The following CDYL2 variants were observed in gnomAD, a reference collection of about 807,000 sequenced individuals.
CDYL2 encodes the protein chromodomain Y-like protein 2.
Under a neutral mutation model 49.4 loss-of-function variants are expected in CDYL2, and 23 were observed. The observed-to-expected ratio is 0.47, with a 90% CI of 0.34 to 0.66. CDYL2 has a LOEUF of 0.66. Among genes scored for constraint, CDYL2 ranks in the 30% least tolerant of loss-of-function variants. The pLI, the probability that CDYL2 is intolerant of heterozygous loss-of-function variation, is 0.01. For missense variants in CDYL2, 678 were observed against 656.4 expected, an observed-to-expected ratio of 1.03 and a Z score of -0.36; for synonymous variants, 360 against 268.8, an observed-to-expected ratio of 1.34 and a Z score of -3.32.
At chr16:80,625,214 GGA>G (rs1235079201) in intron 3 of CDYL2, among the ~76,000 whole-genome samples, 1 of 152,196 alleles carries the variant, frequency 6.6e-6, no homozygotes, top group African/African-American at 2.4e-5. Flanking sequence ...ATTCCTTTGT[GGA>G]GGCGCTAAGG....
In CDYL2 at chr16:80,669,619, T is replaced by A. The variant is rs117179270; in HGVS notation, c.616+14919A>T. 1.1e-3 allele frequency among the ~76,000 whole-genome samples: 174 copies of A among 152,100 alleles called. 5 individuals are homozygous for A. The East Asian group carries it at 0.03, about 26-fold the overall frequency. ...GATGCCAGAATTGGGAGCTAGGACA[T>A]CGAGAGAGGCCAAGCAGGAGGGTCG... On this transcript the variant is annotated intron_variant, in intron 2 of 6. Transcript: ENST00000570137.
At chr16:80,624,037 CT>C (rs1297072161) in intron 3 of CDYL2, among the ~76,000 whole-genome samples, 1 of 152,184 alleles carries the variant, frequency 6.6e-6, no homozygotes, top group Non-Finnish European at 1.5e-5. Flanking sequence ...AGTCTGTGTA[CT>C]GACTGAAGCA....
intron 1 of CDYL2, among the ~76,000 whole-genome samples, chr16:80,753,933 G>T (rs923251000): frequency 2.6e-5 from 4 of 152,188 alleles, no homozygotes; most frequent in Non-Finnish European, 4.4e-5. Context: ...TCAAAAGCCA[G>T]GGTAAAAAAC....
rs796634921 is a variant in CDYL2 at position 80,789,597 on chromosome 16, C to CA, written c.24+14552dup. On this transcript the variant is annotated intron_variant, in intron 1 of 6. Transcript: ENST00000570137. ...CCTGGGCAACAGAGTGAGACTCCAG[C>CA]AAAAAAAAAAAGACACCTGCACTTC... Among the ~76,000 whole-genome samples, 479 of 141,266 alleles carry CA rather than the reference C, an allele frequency of 3.4e-3. 4 individuals are homozygous for CA. Among genetic ancestry groups the CA allele is most frequent in the African/African-American group, 0.01 (394 of 38,492 alleles). 92.7% of individuals were successfully genotyped at this position (141,266 alleles called of 152,430 possible). A position where few individuals can be genotyped will look rare whatever the true frequency, so the allele number is the denominator to read the frequency against.
chr16:80,794,108 C>A (rs1297580344), intron 1 of CDYL2, among the ~76,000 whole-genome samples: 24 of 152,210 alleles, frequency 1.6e-4, no homozygotes, highest in Non-Finnish European at 4.4e-5. Context: ...ACCTCTAACA[C>A]ACAATATTGT....
chr16:80,730,703 A>G (rs145930994), intron 1 of CDYL2, among the ~76,000 whole-genome samples: 70 of 152,358 alleles, frequency 4.6e-4, no homozygotes, highest in African/African-American at 1.5e-3. Context: ...AAAATCCTCA[A>G]CAAAATACTG....
chr16:80,679,291 T>TTAAC (rs1909880513), intron 2 of CDYL2, among the ~76,000 whole-genome samples: 1 of 150,790 alleles, frequency 6.6e-6, no homozygotes. Context: ...AATAAATAAA[T>TTAAC]AAACAAACAA....
chr16:80,774,126 G>C (rs966761889), intron 1 of CDYL2, among the ~76,000 whole-genome samples: 3 of 151,870 alleles, frequency 2.0e-5, no homozygotes, highest in African/African-American at 7.3e-5. Context: ...AGTAAAGGAA[G>C]AAAAATACAC....
intron 3 of CDYL2, among the ~76,000 whole-genome samples, chr16:80,626,012 G>T (rs570734468): frequency 1.3e-5 from 2 of 152,118 alleles, no homozygotes; most frequent in African/African-American, 2.4e-5. Flanking sequence ...AACCAGCAAA[G>T]AAATTGGTGG....
At chr16:80,674,194 G>A (rs560081665) in intron 2 of CDYL2, among the ~76,000 whole-genome samples, 6 of 152,194 alleles carry the variant, frequency 3.9e-5, no homozygotes, top group Admixed American at 2.0e-4. Flanking sequence ...CTGGGTTCAC[G>A]AGTGGGCACT....
chr16:80,707,691 T>C (rs11150307), intron 1 of CDYL2, among the ~76,000 whole-genome samples: 95,032 of 151,948 alleles, frequency 0.63, 30,150 homozygotes, highest in Middle Eastern at 0.76. Context: ...GTCATAATCC[T>C]TTCCTAGTTT....
At chr16:80,794,989 T>C (rs983660102) in intron 1 of CDYL2, among the ~76,000 whole-genome samples, 11 of 152,162 alleles carry the variant, frequency 7.2e-5, no homozygotes, top group Non-Finnish European at 1.6e-4. Context: ...TGACATAAAA[T>C]AAAAATTTGA....
At chr16:80,717,630 G>A (rs1160659502) in intron 1 of CDYL2, among the ~76,000 whole-genome samples, 6 of 152,204 alleles carry the variant, frequency 3.9e-5, no homozygotes, top group Admixed American at 2.6e-4. Flanking sequence ...TCTCCTCCAC[G>A]ATCTGGGAGG....
At chr16:80,789,171 C>A (rs1306966985) in intron 1 of CDYL2, among the ~76,000 whole-genome samples, 3 of 152,076 alleles carry the variant, frequency 2.0e-5, no homozygotes, top group African/African-American at 7.2e-5. Context: ...TACACTATTG[C>A]TGGGAATGTA....
chr16:80,797,242 A>G (rs1907793080), intron 1 of CDYL2, among the ~76,000 whole-genome samples: 1 of 152,140 alleles, frequency 6.6e-6, no homozygotes, highest in African/African-American at 2.4e-5. Context: ...ATGTTCAACA[A>G]ACACTCCAAA....
chr16:80,744,596 A>C (rs1200418473), intron 1 of CDYL2, among the ~76,000 whole-genome samples: 2 of 152,210 alleles, frequency 1.3e-5, no homozygotes, highest in Non-Finnish European at 2.9e-5. Context: ...ATTGTCTTCA[A>C]AATACAGGTG....
At chr16:80,653,968 C>T (rs1908696077) in intron 2 of CDYL2, among the ~76,000 whole-genome samples, 1 of 152,156 alleles carries the variant, frequency 6.6e-6, no homozygotes, top group Non-Finnish European at 1.5e-5. Flanking sequence ...GAGTGTGAGC[C>T]ATCTTCCTCA....
At chr16:80,683,113 A>G (rs8048068) in intron 2 of CDYL2, among the ~76,000 whole-genome samples, 85,248 of 152,008 alleles carry the variant, frequency 0.56, 24,594 homozygotes, top group Middle Eastern at 0.71. Flanking sequence ...TGTTGGCCTC[A>G]TCACCCCAAC....
intron 2 of CDYL2, among the ~76,000 whole-genome samples, chr16:80,638,063 G>C (rs139373229): frequency 6.6e-6 from 1 of 151,330 alleles, no homozygotes; most frequent in Non-Finnish European, 1.5e-5. Flanking sequence ...CTGTGTTAAT[G>C]AATTGAAAGA....
Sources: allele counts gnomAD v4.1 joint callset (sites outside exome capture counted in the v4.1 genomes callset), GRCh38; gene constraint gnomAD v4.1.1; transcripts MANE v1.5; gene names NCBI Gene and HGNC (gene_info 2026-07-23, HGNC 2026-07-21).